Variants in ACACA observed in about 807,000 individuals in gnomAD.
ACACA encodes acetyl-CoA carboxylase 1.
In ACACA, 103 loss-of-function variants were observed where a neutral mutation model predicts 296.1. That is an observed-to-expected ratio of 0.35 (90% confidence interval 0.30 to 0.41). The LOEUF (loss-of-function observed/expected upper bound fraction) is 0.41. ACACA is among the 10% of genes least tolerant of loss of function. The pLI, the probability that ACACA is intolerant of heterozygous loss-of-function variation, is 1.00. For synonymous variants in ACACA, 953 were observed against 1,038.6 expected (o/e 0.92, Z 1.58); for missense variants, 1,554 against 2,989.7 (o/e 0.52, Z 11.20).
intron 41 of ACACA, among the ~76,000 whole-genome samples, chr17:37,169,516 G>C (rs1289832005): frequency 1.3e-5 from 2 of 152,146 alleles, no homozygotes; most frequent in African/African-American, 2.4e-5. Flanking sequence ...TTAGATCATT[G>C]CTTTGGAAGA....
chr17:37,392,179 G>C (rs1409582140), intron 1 of ACACA: 5 of 164,540 alleles, frequency 3.0e-5, no homozygotes, highest in Admixed American at 5.7e-5. Context: ...CGTTTATAAG[G>C]TTTTGTAATT....
At chr17:37,208,196 G>A (rs2078594026) in intron 30 of ACACA, among the ~76,000 whole-genome samples, 1 of 152,258 alleles carries the variant, frequency 6.6e-6, no homozygotes, top group South Asian at 2.1e-4. Flanking sequence ...CAAGTGAGTT[G>A]TAACTATGCA....
Position 37,349,683 on chromosome 17 carries a change from A to G in ACACA, c.39-9833T>C, listed in dbSNP as rs1207003425. ...ACAATTCTTCTGCCTCAGCATCCCA[A>G]GTAGCTGGGATTACAGGTACCCACC... On this transcript the variant is annotated intron_variant, in intron 1 of 55. Coordinates refer to ENST00000616317, the MANE Select transcript of ACACA (RefSeq NM_198834.3). 3.3e-5 allele frequency among the ~76,000 whole-genome samples: 5 copies of G among 151,046 alleles called. No homozygotes were observed. In the South Asian group the frequency reaches 1.0e-3, roughly 32 times the overall value.
In ACACA at chr17:37,252,181, C is replaced by T. The variant is rs2081025426; in HGVS notation, c.1978-73G>A. On this transcript the variant is annotated intron_variant, in intron 15 of 55. Coordinates refer to ENST00000616317, the MANE Select transcript of ACACA (RefSeq NM_198834.3). ...CCACAGCCTCTCAAATGAAATCAGG[C>T]TCAAATTTGTTGTGATGAAACAGCT... The T allele has an allele frequency of 4.0e-5, 50 of 1,244,308 alleles. No homozygotes were observed. The South Asian group carries it at 5.8e-4, about 14-fold the overall frequency. 77.1% of individuals were successfully genotyped at this position (1,244,308 alleles called of 1,614,324 possible).
chr17:37,205,517 A>C (rs1207206064), intron 33 of ACACA, among the ~76,000 whole-genome samples: 1 of 152,138 alleles, frequency 6.6e-6, no homozygotes, highest in African/African-American at 2.4e-5. Flanking sequence ...TCTGGGAGAG[A>C]TTTAGGAAGA....
intron 3 of ACACA, among the ~76,000 whole-genome samples, chr17:37,308,672 T>G (rs775664199): frequency 1.2e-4 from 19 of 152,274 alleles, no homozygotes; most frequent in South Asian, 8.3e-4. Context: ...GTGTGGTGAC[T>G]CACGCCTGTA....
chr17:37,166,902 A>ACTG (rs753769719), intron 41 of ACACA, among the ~76,000 whole-genome samples: 5 of 152,186 alleles, frequency 3.3e-5, no homozygotes, highest in Non-Finnish European at 5.9e-5. Flanking sequence ...AAATTAAGGC[A>ACTG]CAGAGGAATT....
intron 1 of ACACA, among the ~76,000 whole-genome samples, chr17:37,363,658 G>T (rs1006007564): frequency 2.0e-5 from 3 of 152,020 alleles, no homozygotes; most frequent in African/African-American, 7.2e-5. Flanking sequence ...GGTTTGAGTT[G>T]AATCAAGGGA....
At chr17:37,370,642 G>A (rs2049770205) in intron 1 of ACACA, among the ~76,000 whole-genome samples, 1 of 151,436 alleles carries the variant, frequency 6.6e-6, no homozygotes, top group South Asian at 2.1e-4. Context: ...GGGTGACAGA[G>A]CTAGACTCTG....
At chr17:37,281,457 A>G (rs2082529835) in intron 5 of ACACA, among the ~76,000 whole-genome samples, 1 of 152,092 alleles carries the variant, frequency 6.6e-6, no homozygotes, top group Non-Finnish European at 1.5e-5. Flanking sequence ...CACTTACCTC[A>G]TTGTATTGAA....
intron 1 of ACACA, among the ~76,000 whole-genome samples, chr17:37,390,140 GTATATATATATATATA>G (rs1243535532): frequency 0.038 from 1,325 of 34,636 alleles, 179 homozygotes; most frequent in African/African-American, 0.18. Context: ...AAAAAAAAAA[GTATATATATATATATA>G]TATATATATA....
At chr17:37,301,465 G>A (rs1267438401) in intron 3 of ACACA, 1 of 927,892 alleles carries the variant, frequency 1.1e-6, no homozygotes, top group Non-Finnish European at 1.3e-6. Flanking sequence ...AGTTTACCCG[G>A]CAGACAGTGA....
rs543964375 is a variant in ACACA, at chr17:37,392,818, G to A, written c.38+13444C>T. The A allele has an allele frequency of 2.6e-5, 4 of 152,178 alleles. No homozygotes were observed. The South Asian group carries it at 8.3e-4, about 32-fold the overall frequency. The allele number at this position is 152,178 out of a possible 1,614,324, so 9.4% of individuals were successfully genotyped here. A position where few individuals can be genotyped will look rare whatever the true frequency, so the allele number is the denominator to read the frequency against. Reference sequence around the variant, plus strand: ...TGAAAGAGAACACATATAAAGCATGGATAATGAGGATATGTTTCAAAGAAG... The same window carrying A: ...TGAAAGAGAACACATATAAAGCATGAATAATGAGGATATGTTTCAAAGAAG... On this transcript the variant is annotated intron_variant, in intron 1 of 55. Transcript: ENST00000616317.
At chr17:37,321,520 C>T (rs1039265880) in intron 3 of ACACA, among the ~76,000 whole-genome samples, 3 of 152,172 alleles carry the variant, frequency 2.0e-5, no homozygotes, top group Admixed American at 1.3e-4. Context: ...GAGGCTGAGG[C>T]GGGCGGATCA....
intron 1 of ACACA, among the ~76,000 whole-genome samples, chr17:37,401,980 C>T (rs766229552): frequency 2.6e-5 from 4 of 152,094 alleles, no homozygotes; most frequent in Admixed American, 6.6e-5. Context: ...AAGTTTTCTT[C>T]GTTGGGTTCC....
intron 50 of ACACA, 52 bp downstream of exon 50, chr17:37,121,303 A>T: frequency 6.2e-7 from 1 of 1,613,040 alleles, no homozygotes; most frequent in Admixed American, 1.7e-5. Context: ...CCTCTGCCGC[A>T]GAGTGCCCAG....
chr17:37,169,621 G>A (rs904975230), intron 41 of ACACA, among the ~76,000 whole-genome samples: 2 of 152,080 alleles, frequency 1.3e-5, no homozygotes, highest in African/African-American at 4.8e-5. Flanking sequence ...ACATAATGGA[G>A]ATTTCATATC....
chr17:37,352,101 G>C (rs770132289), intron 1 of ACACA, among the ~76,000 whole-genome samples: 3 of 151,552 alleles, frequency 2.0e-5, no homozygotes, highest in African/African-American at 4.9e-5. Flanking sequence ...CGTCTTTTTA[G>C]TAGAGACAAG....
intron 3 of ACACA, among the ~76,000 whole-genome samples, chr17:37,315,948 T>C (rs1236039549): frequency 6.6e-6 from 1 of 152,164 alleles, no homozygotes; most frequent in Non-Finnish European, 1.5e-5. Flanking sequence ...TCCAATTCTC[T>C]AATTATTCCT....
Sources: gnomAD v4.1 joint callset for allele counts (sites outside exome capture counted in the v4.1 genomes callset) on GRCh38, gnomAD v4.1.1 for gene constraint, MANE v1.5 for transcripts, NCBI Gene and HGNC (gene_info 2026-07-23, HGNC 2026-07-21) for gene names.